The following LAMA1 variants were observed in gnomAD, a reference collection of about 807,000 sequenced individuals.
LAMA1 encodes the protein laminin subunit alpha-1.
In LAMA1, 219 loss-of-function variants were observed where a neutral mutation model predicts 348.7. The observed-to-expected ratio is 0.63, with a 90% CI of 0.56 to 0.70. The LOEUF (loss-of-function observed/expected upper bound fraction) is 0.70. Among genes scored for constraint, LAMA1 ranks in the 30% least tolerant of loss-of-function variants. The pLI, the probability that LAMA1 is intolerant of heterozygous loss-of-function variation, is 0.00. For missense variants in LAMA1, 3,744 were observed against 3,888.0 expected, an observed-to-expected ratio of 0.96 and a Z score of 0.99; for synonymous variants, 1,487 against 1,491.0, an observed-to-expected ratio of 1.00 and a Z score of 0.06.
intron 3 of LAMA1, 186 bp downstream of exon 3, chr18:7,079,789 G>A (rs1179404039): frequency 3.2e-5 from 20 of 620,084 alleles, no homozygotes; most frequent in Non-Finnish European, 5.8e-5. Flanking sequence ...AGACACCTGG[G>A]AATGATGAAA....
intron 51 of LAMA1, among the ~76,000 whole-genome samples, chr18:6,962,769 G>T (rs1371313788): frequency 6.6e-6 from 1 of 152,234 alleles, no homozygotes; most frequent in African/African-American, 2.4e-5. Context: ...GCTAACAAAG[G>T]AAGTCATTGG....
Position 6,997,726 on chromosome 18 carries a change from T to C in LAMA1, c.4806+16A>G, listed in dbSNP as rs1355429141. Reference sequence around the variant, plus strand: ...TGATACAAGTGTCTGTTCATCTCTGTATTTCCAGTACCTACCTGGAGATAT... The same window carrying C: ...TGATACAAGTGTCTGTTCATCTCTGCATTTCCAGTACCTACCTGGAGATAT... On this transcript the variant is annotated intron_variant, in intron 33 of 62. Coordinates refer to ENST00000389658, the MANE Select transcript of LAMA1 (RefSeq NM_005559.4). 2 of 1,612,314 alleles carry C rather than the reference T, an allele frequency of 1.2e-6. No homozygotes were observed. Among genetic ancestry groups the C allele is most frequent in the South Asian group, 1.1e-5 (1 of 91,068 alleles).
At chr18:7,098,195 G>C (rs890503376) in intron 1 of LAMA1, among the ~76,000 whole-genome samples, 2 of 151,886 alleles carry the variant, frequency 1.3e-5, no homozygotes, top group African/African-American at 4.8e-5. Flanking sequence ...ATCTCGGCTC[G>C]CTACAACCTC....
At chr18:7,034,411 A>T in intron 14 of LAMA1, 68 bp downstream of exon 14, 1 of 1,127,676 alleles carries the variant, frequency 8.9e-7, no homozygotes, top group African/African-American at 1.5e-5. Context: ...CTTTAAATAT[A>T]TATGAATAAA....
intron 34 of LAMA1, 22 bp from the exon 35 acceptor site, chr18:6,993,774 A>G: frequency 7.0e-7 from 1 of 1,433,050 alleles, no homozygotes; most frequent in South Asian, 1.1e-5. Context: ...ATAAAGTCTC[A>G]GGTTAGTTTG....
intron 1 of LAMA1, among the ~76,000 whole-genome samples, chr18:7,108,768 A>G (rs893014075): frequency 1.3e-5 from 2 of 152,088 alleles, no homozygotes; most frequent in East Asian, 1.9e-4. Context: ...TAGAATGAAC[A>G]AAAGTATGCC....
chr18:7,106,191 C>T (rs931987473), intron 1 of LAMA1, among the ~76,000 whole-genome samples: 4 of 152,126 alleles, frequency 2.6e-5, no homozygotes, highest in South Asian at 2.1e-4. Flanking sequence ...CTGTGGGCTG[C>T]GGTGGGCAGG....
At chr18:7,021,339 T>C (rs1002341141) in intron 19 of LAMA1, among the ~76,000 whole-genome samples, 1 of 152,216 alleles carries the variant, frequency 6.6e-6, no homozygotes, top group Non-Finnish European at 1.5e-5. Context: ...ATGTGGCTGA[T>C]GCAAGCGAAG....
chr18:6,970,403 G>A (rs1432617605), intron 48 of LAMA1, among the ~76,000 whole-genome samples: 1 of 152,164 alleles, frequency 6.6e-6, no homozygotes, highest in Non-Finnish European at 1.5e-5. Flanking sequence ...CATGTTGTGT[G>A]TTCATCACTG....
intron 3 of LAMA1, among the ~76,000 whole-genome samples, chr18:7,051,715 G>A (rs1328311910): frequency 1.3e-5 from 2 of 152,110 alleles, no homozygotes; most frequent in Non-Finnish European, 2.9e-5. Flanking sequence ...CTAAAATTGA[G>A]AAAAAAGTCA....
intron 1 of LAMA1, among the ~76,000 whole-genome samples, chr18:7,084,420 G>A (rs978405393): frequency 2.0e-5 from 3 of 152,266 alleles, no homozygotes; most frequent in East Asian, 1.9e-4. Context: ...GCTATGTGGC[G>A]TGACACAGTT....
chr18:7,091,619 C>T (rs1026684289), intron 1 of LAMA1, among the ~76,000 whole-genome samples: 4 of 152,186 alleles, frequency 2.6e-5, no homozygotes, highest in Non-Finnish European at 5.9e-5. Flanking sequence ...CTTTAGCATC[C>T]TTGTTTCACT....
chr18:7,035,558 G>C (rs983677886), intron 13 of LAMA1, among the ~76,000 whole-genome samples: 13 of 152,044 alleles, frequency 8.6e-5, no homozygotes, highest in African/African-American at 3.1e-4. Context: ...GAGTACCTGG[G>C]ATTACAGGCA....
intron 58 of LAMA1, among the ~76,000 whole-genome samples, chr18:6,950,532 AC>A (rs1465304261): frequency 6.6e-6 from 1 of 152,118 alleles, no homozygotes. Flanking sequence ...CATGTCTAGT[AC>A]CTTTTGTTCA....
chr18:7,090,357 G>A (rs1050845133), intron 1 of LAMA1, among the ~76,000 whole-genome samples: 5 of 152,110 alleles, frequency 3.3e-5, no homozygotes, highest in Admixed American at 1.3e-4. Context: ...AAAATAACCA[G>A]TAGTTATTTT....
At chr18:6,986,008 TC>T in intron 37 of LAMA1, 128 bp downstream of exon 37, 1 of 970,064 alleles carries the variant, frequency 1.0e-6, no homozygotes. Context: ...TCTGCCTGCC[TC>T]GGCCTCCCAA....
At chr18:6,969,335 G>C (rs1368695935) in intron 48 of LAMA1, among the ~76,000 whole-genome samples, 1 of 152,126 alleles carries the variant, frequency 6.6e-6, no homozygotes, top group Non-Finnish European at 1.5e-5. Flanking sequence ...CTCACCCAGA[G>C]GTACCTTTTC....
intron 1 of LAMA1, among the ~76,000 whole-genome samples, chr18:7,085,666 C>T (rs150367191): frequency 0.019 from 2,868 of 152,204 alleles, 105 homozygotes; most frequent in African/African-American, 0.065. Flanking sequence ...GATCCGCCCG[C>T]CTCAGCCTCC....
intron 56 of LAMA1, chr18:6,956,390 T>C: frequency 1.5e-6 from 1 of 664,128 alleles, no homozygotes; most frequent in South Asian, 1.5e-5. Flanking sequence ...AAGCATATTA[T>C]ACATCAGCCC....
Sources: allele counts gnomAD v4.1 joint callset (sites outside exome capture counted in the v4.1 genomes callset), GRCh38; gene constraint gnomAD v4.1.1; transcripts MANE v1.5; gene names NCBI Gene and HGNC (gene_info 2026-07-23, HGNC 2026-07-21).